The following TP53BP2 variants were observed in gnomAD, a reference collection of about 807,000 sequenced individuals.
TP53BP2 encodes the protein apoptosis-stimulating of p53 protein 2.
Under a neutral mutation model 126.2 loss-of-function variants are expected in TP53BP2, and 62 were observed. The ratio of observed to expected loss-of-function variants is 0.49; its 90% CI spans 0.40 to 0.61. The LOEUF (loss-of-function observed/expected upper bound fraction) is 0.61. TP53BP2 is among the 20% of genes least tolerant of loss of function. The pLI is 0.00. For missense variants in TP53BP2, 1,215 were observed against 1,402.8 expected, an observed-to-expected ratio of 0.87 and a Z score of 2.14; for synonymous variants, 485 against 502.9, an observed-to-expected ratio of 0.96 and a Z score of 0.48.
At chr1:223,792,607 G>T in intron 14 of TP53BP2, 85 bp from the exon 15 acceptor site, 6 of 1,322,874 alleles carry the variant, frequency 4.5e-6, no homozygotes, top group Non-Finnish European at 5.3e-6. Context: ...GGGTCAAGAG[G>T]ACAGAAATGG....
chr1:223,781,603 GCATAGGCT>G (rs1316104076), intron 17 of TP53BP2, among the ~76,000 whole-genome samples: 2 of 152,086 alleles, frequency 1.3e-5, no homozygotes, highest in South Asian at 4.1e-4. Flanking sequence ...GAAAGTAGAA[GCATAGGCT>G]TTAATTACAT....
Position 223,796,693 on chromosome 1 carries a change from T to C in TP53BP2, c.1949-103A>G. On this transcript the variant is annotated intron_variant, in intron 12 of 17. Transcript: ENST00000343537. The surrounding 1 kb of genome is among the most constrained non-coding windows in gnomAD (Gnocchi z 4.2). ...ATAACTAAAGCCTCTTTTAATTTCA[T>C]AGTTGTTACTACATAATCCCCTTCA... 1 of 1,055,454 alleles carries C rather than the reference T, an allele frequency of 9.5e-7. No homozygotes were observed. Among genetic ancestry groups the C allele is most frequent in the Non-Finnish European group, 1.3e-6 (1 of 741,448 alleles). The allele number at this position is 1,055,454 out of a possible 1,614,324, so 65.4% of individuals were successfully genotyped here.
At chr1:223,780,988 A>C in intron 17 of TP53BP2, 94 bp from the exon 18 acceptor site, 5 of 1,200,256 alleles carry the variant, frequency 4.2e-6, no homozygotes, top group Non-Finnish European at 6.0e-6. Context: ...GACAGATGTC[A>C]TGGGAAGGAA....
intron 2 of TP53BP2, among the ~76,000 whole-genome samples, chr1:223,814,832 C>A (rs1323235029): frequency 6.6e-6 from 1 of 151,444 alleles, no homozygotes; most frequent in Non-Finnish European, 1.5e-5. Context: ...ATTTTACAAA[C>A]AATATTTAAA....
chr1:223,838,414 C>T (rs963578221), intron 1 of TP53BP2, among the ~76,000 whole-genome samples: 4 of 152,142 alleles, frequency 2.6e-5, no homozygotes, highest in Non-Finnish European at 5.9e-5. Context: ...AATCTATTTC[C>T]AACAAAGGTA....
intron 1 of TP53BP2, among the ~76,000 whole-genome samples, chr1:223,826,265 C>T (rs1364934515): frequency 2.6e-5 from 4 of 152,198 alleles, no homozygotes; most frequent in Admixed American, 2.0e-4. Flanking sequence ...TGGAGGTTCC[C>T]AAACTTTGGT....
At chr1:223,821,471 C>A (rs755455618) in intron 1 of TP53BP2, 104 bp from the exon 2 acceptor site, 2 of 1,467,580 alleles carry the variant, frequency 1.4e-6, no homozygotes, top group African/African-American at 2.8e-5. Flanking sequence ...GAAGTGCAAA[C>A]GTACAACAGA....
intron 16 of TP53BP2, 118 bp downstream of exon 16, chr1:223,788,890 C>G: frequency 9.3e-7 from 1 of 1,071,094 alleles, no homozygotes; most frequent in South Asian, 1.6e-5. Context: ...TTTTCAAGGC[C>G]CAAGACTATG....
At chr1:223,794,629 G>C (rs1347642008) in intron 13 of TP53BP2, among the ~76,000 whole-genome samples, 16 of 152,178 alleles carry the variant, frequency 1.1e-4, no homozygotes, top group Non-Finnish European at 2.9e-5. Context: ...AAAAAGGCCA[G>C]AAAATAACAA....
At chr1:223,821,403 C>T (rs1170501701) in intron 1 of TP53BP2, 36 bp from the exon 2 acceptor site, 1 of 1,613,256 alleles carries the variant, frequency 6.2e-7, no homozygotes, top group East Asian at 2.2e-5. Context: ...GTTACTGGTA[C>T]TGTCTGCCTA....
intron 16 of TP53BP2, among the ~76,000 whole-genome samples, chr1:223,787,023 G>A (rs1411685050): frequency 6.6e-6 from 1 of 151,880 alleles, no homozygotes; most frequent in African/African-American, 2.4e-5. Context: ...GGCCTCCCAA[G>A]TAGCTGGGAT....
At chr1:223,802,963 C>T in intron 7 of TP53BP2, 68 bp from the exon 8 acceptor site, 2 of 1,502,026 alleles carry the variant, frequency 1.3e-6, no homozygotes, top group Non-Finnish European at 1.8e-6. Context: ...CAGTTAATCA[C>T]ATGGTTAACT....
chr1:223,827,754 T>A (rs1386780011), intron 1 of TP53BP2, among the ~76,000 whole-genome samples: 1 of 152,048 alleles, frequency 6.6e-6, no homozygotes. Flanking sequence ...TTTTTTCCAA[T>A]ATGTATCAAT....
At position 223,780,315 on chromosome 1, in the gene TP53BP2, A is replaced by G. The variant is rs1356955306; in HGVS notation, c.*538T>C. The G allele has an allele frequency of 2.0e-5, 3 of 152,378 alleles. No individual in the cohort carries two copies. Among genetic ancestry groups the G allele is most frequent in the Non-Finnish European group, 4.4e-5 (3 of 68,132 alleles). The allele number at this position is 152,378 out of a possible 1,614,324, so 9.4% of individuals were successfully genotyped here. Reference sequence around the variant, plus strand: ...TTAAGATGCTACAAAAACTCATATAATAAAGTTATTGTTCACTGACAACCA... The same window carrying G: ...TTAAGATGCTACAAAAACTCATATAGTAAAGTTATTGTTCACTGACAACCA... On this transcript the variant is annotated 3_prime_UTR_variant, in exon 18 of 18. Transcript: ENST00000343537.
intron 1 of TP53BP2, among the ~76,000 whole-genome samples, chr1:223,829,066 C>T (rs963599965): frequency 6.6e-6 from 1 of 152,104 alleles, no homozygotes; most frequent in African/African-American, 2.4e-5. Context: ...GTGGCTCACA[C>T]CTATAATCCC....
rs1207691209 is a variant in TP53BP2 at position 223,831,476 on chromosome 1, AAAAAATATATATATATATATATAT to A, written c.28-10133_28-10110del. Among the ~76,000 whole-genome samples, 215 of 50,202 alleles carry A rather than the reference AAAAAATATATATATATATATATAT, an allele frequency of 4.3e-3. 3 individuals carry two copies. Among genetic ancestry groups the A allele is most frequent in the African/African-American group, 0.016 (176 of 10,762 alleles). The allele number at this position is 50,202 out of a possible 152,430, so 32.9% of individuals were successfully genotyped here. The stretch of plus-strand genomic sequence containing the variant: ...CACATATGTACCATCTAAAAAAAAA[AAAAAATATATATATATATATATAT>A]ATATATATATATATATACTGACCTG... On this transcript the variant is annotated intron_variant, in intron 1 of 17. Transcript: ENST00000343537.
chr1:223,804,243 C>T lies in TP53BP2; in HGVS notation c.580G>A (p.Ala194Thr), dbSNP rs1662635955. The T allele has an allele frequency of 3.1e-6, 5 of 1,614,134 alleles. No homozygotes were observed. Among genetic ancestry groups the T allele is most frequent in the East Asian group, 4.5e-5 (2 of 44,880 alleles). Residue 194 changes from alanine (A) to threonine (T), a missense_variant, in exon 6 of 18, where the codon GCT (alanine) becomes ACT (threonine). Around this residue, in one of 4 missense-constraint regions of TP53BP2, gnomAD observed 814 missense variants for 853.0 expected, o/e 0.95. Transcript: ENST00000343537. The part of the protein sequence containing the change: ...RLKEIAENQE[A>T]KLKKVRALKG... ...AGTGCTCTCACTTTTTTTAGCTTAGCTTCCTGATTCTCAGCTATTTCTTTT... is the reference window on the plus strand; with the variant it reads ...AGTGCTCTCACTTTTTTTAGCTTAGTTTCCTGATTCTCAGCTATTTCTTTT...
At chr1:223,807,664 A>G (rs1662770639) in intron 4 of TP53BP2, among the ~76,000 whole-genome samples, 1 of 152,146 alleles carries the variant, frequency 6.6e-6, no homozygotes, top group South Asian at 2.1e-4. Flanking sequence ...AATATATTAG[A>G]AACAATTAGA....
intron 4 of TP53BP2, among the ~76,000 whole-genome samples, chr1:223,808,405 G>T (rs1190539550): frequency 6.6e-6 from 1 of 152,016 alleles, no homozygotes; most frequent in Non-Finnish European, 1.5e-5. Context: ...GCTGGGCATG[G>T]TGGCAGGTGC....
Sources: allele counts gnomAD v4.1 joint callset (sites outside exome capture counted in the v4.1 genomes callset), GRCh38; gene constraint gnomAD v4.1.1; regional missense constraint gnomAD v4.1.1; non-coding constraint Gnocchi (gnomAD v3.1); transcripts MANE v1.5; gene names NCBI Gene and HGNC (gene_info 2026-07-23, HGNC 2026-07-21).